MTMR3: variants seen among roughly 807,000 people sequenced by gnomAD.
MTMR3 encodes the protein myotubularin related protein 3, also known as phosphatidylinositol-3,5-bisphosphate 3-phosphatase MTMR3.
MTMR3 carries 32 observed loss-of-function variants against 132.4 expected under a neutral mutation model. That is an observed-to-expected ratio of 0.24 (90% CI 0.18 to 0.32). The LOEUF (loss-of-function observed/expected upper bound fraction) is 0.32. MTMR3 is among the 10% of genes least tolerant of loss of function. The pLI is 1.00. For synonymous variants in MTMR3, 556 were observed against 550.3 expected, an observed-to-expected ratio of 1.01 and a Z score of -0.14; for missense variants, 1,216 against 1,489.6, an observed-to-expected ratio of 0.82 and a Z score of 3.02.
In MTMR3 at chr22:30,025,742, C is replaced by T. The variant is rs746190430; in HGVS notation, c.3538C>T (p.Pro1180Ser). 4.3e-6 allele frequency: 7 copies of T among 1,614,084 alleles called. No individual in the cohort carries two copies. The East Asian group carries it at 1.6e-4, about 36-fold the overall frequency. Residue 1180 changes from proline (P) to serine (S), a missense_variant, in exon 20 of 20, where the codon CCC becomes TCC. Around this residue, in one of 7 missense-constraint regions of MTMR3, gnomAD observed 852 missense variants for 852.0 expected, o/e 1.00. Coordinates refer to ENST00000401950, the MANE Select transcript of MTMR3 (RefSeq NM_021090.4). The part of the protein sequence containing the change: ...VCKSCYSSLH[P>S]TSSSIDLELD... ...CAAGTCTTGCTATAGCAGCCTACAT[C>T]CCACAAGCTCCAGCATTGACCTTGA...
At chr22:29,929,029 C>G (rs2065585900) in intron 1 of MTMR3, among the ~76,000 whole-genome samples, 2 of 152,166 alleles carry the variant, frequency 1.3e-5, no homozygotes, top group African/African-American at 4.8e-5. Context: ...CCTGTAATCC[C>G]AGCACTTTGG....
chr22:29,964,678 C>T (rs150661100), intron 2 of MTMR3, among the ~76,000 whole-genome samples: 2 of 152,134 alleles, frequency 1.3e-5, no homozygotes, highest in South Asian at 2.1e-4. Context: ...TGCCTCCATT[C>T]TAAATCAAGC....
intron 7 of MTMR3, chr22:29,994,447 T>C (rs1455030850): frequency 1.3e-5 from 2 of 151,138 alleles, no homozygotes; most frequent in African/African-American, 4.9e-5. Context: ...GTTTCTTTTG[T>C]CATTACCTCA....
Position 29,950,344 on chromosome 22 carries a change from T to G in MTMR3, c.-137-6692T>G, listed in dbSNP as rs569696727. Among the ~76,000 whole-genome samples the G allele has an allele frequency of 7.3e-5, 11 of 150,850 alleles. No individual in the cohort carries two copies. In the South Asian group the frequency reaches 2.3e-3, roughly 32 times the overall value. On this transcript the variant is annotated intron_variant, in intron 1 of 19. Transcript: ENST00000401950. ...TTTTTCCTTAGGAGATAGGGAACAT[T>G]TCTGTTTTTTATTTTTTTATTTATT... is the stretch of plus-strand genomic sequence containing the variant.
In MTMR3 at chr22:29,894,508, G is replaced by A. The variant is rs1290237548; in HGVS notation, c.-138+11149G>A. On this transcript the variant is annotated intron_variant, in intron 1 of 19. Transcript: ENST00000401950. ...GAACTCCCAAGTTCTGTATCCGTGT[G>A]TGTGTGTGTGTGTGTGTGTGTGTGT... Among the ~76,000 whole-genome samples, 29 of 146,682 alleles carry A rather than the reference G, an allele frequency of 2.0e-4. 1 individual carries two copies. The highest frequency in any genetic ancestry group is 2.1e-4 in the East Asian group (1 of 4,806).
intron 5 of MTMR3, chr22:29,980,992 T>C (rs1281429307): frequency 6.6e-6 from 1 of 152,232 alleles, no homozygotes; most frequent in Non-Finnish European, 1.5e-5. Context: ...CACACCTCTG[T>C]GTTCTCTTTT....
At chr22:29,973,623 G>A (rs1002680566) in intron 3 of MTMR3, among the ~76,000 whole-genome samples, 5 of 151,704 alleles carry the variant, frequency 3.3e-5, no homozygotes, top group African/African-American at 1.2e-4. Flanking sequence ...TTTTGAAATG[G>A]AGTTTCACTC....
rs529146638 is a variant in MTMR3, at chr22:30,025,332, T to C, written c.3426-298T>C. The C allele has an allele frequency of 1.5e-3, 605 of 407,612 alleles. 3 individuals are homozygous for C. The highest frequency in any genetic ancestry group is 2.1e-3 in the Non-Finnish European group (454 of 217,060). The allele number at this position is 407,612 out of a possible 1,614,324, so 25.2% of individuals were successfully genotyped here. On this transcript the variant is annotated intron_variant, in intron 19 of 19. Coordinates refer to ENST00000401950, the MANE Select transcript of MTMR3 (RefSeq NM_021090.4). Reference sequence around the variant, plus strand: ...GGACTAACCCATTGTTAGGACCATGTATTCTTACAGATCTCTCTTGAGCAG... The same window carrying C: ...GGACTAACCCATTGTTAGGACCATGCATTCTTACAGATCTCTCTTGAGCAG...
intron 1 of MTMR3, among the ~76,000 whole-genome samples, chr22:29,941,525 C>T (rs1375752487): frequency 7.9e-5 from 12 of 151,762 alleles, no homozygotes; most frequent in East Asian, 1.9e-4. Context: ...CTTTACGAGC[C>T]GTGTATGAAT....
At chr22:29,954,153 C>G (rs2066142094) in intron 1 of MTMR3, among the ~76,000 whole-genome samples, 1 of 140,746 alleles carries the variant, frequency 7.1e-6, no homozygotes, top group Non-Finnish European at 1.5e-5. Context: ...GTAATCATAG[C>G]TCGCTGCAAC....
intron 3 of MTMR3, among the ~76,000 whole-genome samples, chr22:29,973,865 C>G (rs968954102): frequency 1.3e-5 from 2 of 152,042 alleles, no homozygotes; most frequent in African/African-American, 4.8e-5. Context: ...TCCCAAAGTG[C>G]TGAGATTACA....
At chr22:29,900,877 C>G (rs985376319) in intron 1 of MTMR3, among the ~76,000 whole-genome samples, 2 of 152,074 alleles carry the variant, frequency 1.3e-5, no homozygotes, top group Admixed American at 1.3e-4. Context: ...CCACACCTGG[C>G]TAATTTTTTT....
intron 1 of MTMR3, among the ~76,000 whole-genome samples, chr22:29,948,012 A>G (rs2065984358): frequency 6.6e-6 from 1 of 152,144 alleles, no homozygotes; most frequent in Admixed American, 6.5e-5. Flanking sequence ...TGGTGTTTTC[A>G]TTGGCGTGTT....
intron 1 of MTMR3, among the ~76,000 whole-genome samples, chr22:29,914,211 A>G (rs1044472883): frequency 6.6e-6 from 1 of 152,186 alleles, no homozygotes. Context: ...CCTATTTTGC[A>G]TTCCCACTGG....
chr22:30,009,204 G>A, intron 12 of MTMR3, 75 bp downstream of exon 12: 5 of 1,053,224 alleles, frequency 4.7e-6, no homozygotes, highest in Middle Eastern at 2.1e-4. Flanking sequence ...GAACTAAGGG[G>A]GAAAAAAAGA....
chr22:30,016,618 C>T lies in MTMR3; in HGVS notation c.1594C>T (p.Arg532Trp), dbSNP rs552936888. 7.4e-6 allele frequency: 12 copies of T among 1,614,176 alleles called. No individual in the cohort carries two copies. Among genetic ancestry groups the T allele is most frequent in the East Asian group, 2.2e-5 (1 of 44,884 alleles). ...GAGAGGGGAAAAGCATACTCAGGAA[C>T]GGACATGTTCCGTGTGGTCACTTCT... ...KERGEKHTQE[R>W]TCSVWSLLRA... The change falls in exon 15 of 20, where the codon CGG becomes TGG. Residue 532 changes from arginine to tryptophan, a missense_variant. Arg to Trp is a moderately radical substitution (Grantham distance 101). Transcript: ENST00000401950.
rs536809019 is a variant in MTMR3, at chr22:29,963,177, C to A, written c.-85+6089C>A. 1.3e-4 allele frequency among the ~76,000 whole-genome samples: 20 copies of A among 152,040 alleles called. No individual in the cohort carries two copies. The South Asian group carries it at 4.0e-3, about 30-fold the overall frequency. ...GCCCGGGCTGGTCCCGAACTCCTGG[C>A]CTTGAGTGATCCACCTCCCTGGACT... On this transcript the variant is annotated intron_variant, in intron 2 of 19. Transcript: ENST00000401950.
chr22:29,978,712 A>G (rs1261086435), intron 4 of MTMR3, among the ~76,000 whole-genome samples, 181 bp downstream of exon 4: 1 of 152,202 alleles, frequency 6.6e-6, no homozygotes, highest in East Asian at 1.9e-4. Context: ...ACTGTTTAAG[A>G]TGATCTTCTC....
intron 1 of MTMR3, among the ~76,000 whole-genome samples, chr22:29,897,431 TTAAGTA>T (rs1476209083): frequency 6.6e-6 from 1 of 152,012 alleles, no homozygotes; most frequent in Non-Finnish European, 1.5e-5. Context: ...AAAGGTGTAT[TTAAGTA>T]TGTTTTTATT....
Sources: gnomAD v4.1 joint callset for allele counts (sites outside exome capture counted in the v4.1 genomes callset) on GRCh38, gnomAD v4.1.1 for gene constraint, gnomAD v4.1.1 regional missense constraint, MANE v1.5 for transcripts, NCBI Gene and HGNC (gene_info 2026-07-23, HGNC 2026-07-21) for gene names.